KCNK9: variants seen among roughly 807,000 people sequenced by gnomAD.
KCNK9 encodes potassium channel subfamily K member 9.
KCNK9 carries 1 observed loss-of-function variant against 10.8 expected under a neutral mutation model. The ratio of observed to expected loss-of-function variants is 0.09; its 90% CI spans 0.03 to 0.44. KCNK9 has a LOEUF of 0.44. Ranked by LOEUF, KCNK9 falls within the 20% of genes least tolerant of loss-of-function variation. KCNK9 has a pLI of 0.97. For missense variants in KCNK9, 303 were observed against 515.0 expected (o/e 0.59, Z 3.98); for synonymous variants, 231 against 222.7 (o/e 1.04, Z -0.33).
At chr8:139,634,235 C>G (rs1444270147) in intron 1 of KCNK9, among the ~76,000 whole-genome samples, 1 of 152,182 alleles carries the variant, frequency 6.6e-6, no homozygotes, top group East Asian at 1.9e-4. Flanking sequence ...GAAGGTGATT[C>G]CCTGATGAAG....
intron 1 of KCNK9, among the ~76,000 whole-genome samples, chr8:139,657,595 C>T (rs928654934): frequency 2.6e-5 from 4 of 152,090 alleles, no homozygotes; most frequent in African/African-American, 4.8e-5. Flanking sequence ...AGAGCAATAG[C>T]GCCTGGGAAA....
At chr8:139,651,575 G>T (rs755398310) in intron 1 of KCNK9, among the ~76,000 whole-genome samples, 5 of 152,188 alleles carry the variant, frequency 3.3e-5, no homozygotes, top group Non-Finnish European at 7.3e-5. Flanking sequence ...CAACTATTGT[G>T]CTAGAATGGG....
At chr8:139,677,803 ACC>A (rs1333418446) in intron 1 of KCNK9, among the ~76,000 whole-genome samples, 1 of 145,616 alleles carries the variant, frequency 6.9e-6, no homozygotes, top group South Asian at 2.2e-4. Context: ...GTAATACCTC[ACC>A]TCCCAGCCCA....
chr8:139,637,807 G>T (rs1017152981), intron 1 of KCNK9, among the ~76,000 whole-genome samples: 1 of 92,960 alleles, frequency 1.1e-5, no homozygotes, highest in Admixed American at 1.2e-4. Flanking sequence ...GGGAGTGGGA[G>T]GAAACTTCAG....
At chr8:139,603,237 G>T (rs902869017) in intron 2 of KCNK9, among the ~76,000 whole-genome samples, 1 of 152,172 alleles carries the variant, frequency 6.6e-6, no homozygotes, top group African/African-American at 2.4e-5. Context: ...TCTCCCACCT[G>T]CCCCCCAATT....
chr8:139,644,302 C>A (rs142395148), intron 1 of KCNK9, among the ~76,000 whole-genome samples: 2 of 152,358 alleles, frequency 1.3e-5, no homozygotes, highest in East Asian at 3.9e-4. Context: ...ATTCAACCAA[C>A]GTCCTCAGAA....
In KCNK9 at chr8:139,690,498, G is replaced by A. The variant is rs189094882; in HGVS notation, c.283+12212C>T. The stretch of plus-strand genomic sequence containing the variant: ...TTTGGCCTTTTATTTTAAAACTGAT[G>A]CTATTTCTACCTTTCTCTATGAGTG... On this transcript the variant is annotated intron_variant, in intron 1 of 1. Transcript: ENST00000520439. Among the ~76,000 whole-genome samples, 9 of 152,270 alleles carry A rather than the reference G, an allele frequency of 5.9e-5. 1 individual carries two copies. The East Asian group carries it at 1.5e-3, about 26-fold the overall frequency.
rs999427183 is a variant in KCNK9, at chr8:139,629,115, G to A, written c.284-10016C>T. ...GGACCCAGCCGAGATTAAATGAAGC[G>A]TCTTCATCCCCTTTCTATGGATTGG... is the stretch of plus-strand genomic sequence containing the variant. On this transcript the variant is annotated intron_variant, in intron 1 of 1. Transcript: ENST00000520439. Among the ~76,000 whole-genome samples, 11 of 152,336 alleles carry A rather than the reference G, an allele frequency of 7.2e-5. No homozygotes were observed. The South Asian group carries it at 8.3e-4, about 11-fold the overall frequency.
rs1816423542 is a variant in KCNK9, at chr8:139,671,443, C to G, written c.283+31267G>C. On this transcript the variant is annotated intron_variant, in intron 1 of 1. Transcript: ENST00000520439. ...CCAGCAAGAGGCGGGAGGATGAGTC[C>G]CTGCGTGGCCAGCATTGAGCCCGTG... 2.0e-5 allele frequency among the ~76,000 whole-genome samples: 3 copies of G among 152,182 alleles called. 1 individual carries two copies. In the South Asian group the frequency reaches 6.2e-4, roughly 32 times the overall value.
intron 1 of KCNK9, among the ~76,000 whole-genome samples, chr8:139,699,433 G>C (rs1586701370): frequency 6.6e-6 from 1 of 152,136 alleles, no homozygotes; most frequent in African/African-American, 2.4e-5. Flanking sequence ...GGGTTGGGGG[G>C]AAACTCAGAC....
chr8:139,606,467 C>T (rs1438842064), intron 2 of KCNK9, among the ~76,000 whole-genome samples: 1 of 152,136 alleles, frequency 6.6e-6, no homozygotes, highest in African/African-American at 2.4e-5. Flanking sequence ...GGGTCCATAT[C>T]CCCACACCCC....
At chr8:139,622,447 C>A (rs1378964952) in intron 1 of KCNK9, among the ~76,000 whole-genome samples, 1 of 152,158 alleles carries the variant, frequency 6.6e-6, no homozygotes, top group Admixed American at 6.5e-5. Context: ...TGGGTCCATC[C>A]AATGGACAGC....
Position 139,703,089 on chromosome 8 carries a change from TCCGCCGCCG to T in KCNK9, c.-106_-98del, listed in dbSNP as rs961880645. The T allele has an allele frequency of 2.8e-6, 3 of 1,071,584 alleles. No individual in the cohort carries two copies. Among genetic ancestry groups the T allele is most frequent in the Middle Eastern group, 3.6e-4 (1 of 2,812 alleles). The allele number at this position is 1,071,584 out of a possible 1,614,324, so 66.4% of individuals were successfully genotyped here. On this transcript the variant is annotated 5_prime_UTR_variant, in exon 1 of 2. Coordinates refer to ENST00000520439, the MANE Select transcript of KCNK9 (RefSeq NM_001282534.2). This position sits in a 1 kb window ranked among gnomAD's most constrained non-coding sequence, Gnocchi z 6.4. ...CCCGGCGGCCGCCGCCGCCTCCTCC[TCCGCCGCCG>T]CCGCCGCCGCCTCCAAGTTGTAAGC...
chr8:139,662,782 G>A (rs1049361756), intron 1 of KCNK9, among the ~76,000 whole-genome samples: 4 of 147,390 alleles, frequency 2.7e-5, no homozygotes, highest in African/African-American at 9.9e-5. Context: ...GAGAATCAAG[G>A]AGACACAGTC....
chr8:139,687,718 CA>C (rs1344720313), intron 1 of KCNK9, among the ~76,000 whole-genome samples: 1 of 143,758 alleles, frequency 7.0e-6, no homozygotes, highest in African/African-American at 2.6e-5. Flanking sequence ...ACACACATAC[CA>C]AGGTAGAGAA....
At chr8:139,667,483 G>T (rs1311864826) in intron 1 of KCNK9, among the ~76,000 whole-genome samples, 1 of 150,896 alleles carries the variant, frequency 6.6e-6, no homozygotes, top group Non-Finnish European at 1.5e-5. Flanking sequence ...AGATCACGAG[G>T]TCAGAAGTTC....
At chr8:139,606,061 G>C (rs1026720699) in intron 2 of KCNK9, among the ~76,000 whole-genome samples, 4 of 152,124 alleles carry the variant, frequency 2.6e-5, no homozygotes, top group African/African-American at 9.7e-5. Flanking sequence ...AGTTTGAACT[G>C]CTGATTTTTG....
intron 1 of KCNK9, among the ~76,000 whole-genome samples, chr8:139,639,474 A>C (rs1815434256): frequency 6.6e-6 from 1 of 152,152 alleles, no homozygotes; most frequent in Non-Finnish European, 1.5e-5. Flanking sequence ...GCACCCGTGG[A>C]GACTCAGGCC....
At chr8:139,668,939 A>C (rs1263090341) in intron 1 of KCNK9, among the ~76,000 whole-genome samples, 2 of 152,202 alleles carry the variant, frequency 1.3e-5, no homozygotes, top group Non-Finnish European at 2.9e-5. Flanking sequence ...GAGACAATGC[A>C]GTTTCGGTCT....
Sources: allele counts gnomAD v4.1 joint callset (sites outside exome capture counted in the v4.1 genomes callset), GRCh38; gene constraint gnomAD v4.1.1; non-coding constraint Gnocchi (gnomAD v3.1); transcripts MANE v1.5; gene names NCBI Gene and HGNC (gene_info 2026-07-23, HGNC 2026-07-21).